The following CAST variants were observed in gnomAD, a reference collection of about 807,000 sequenced individuals.
The protein encoded by CAST is MIR583 host.
Under a neutral mutation model 119.6 loss-of-function variants are expected in CAST, and 76 were observed. The observed-to-expected ratio is 0.64, with a 90% confidence interval of 0.53 to 0.77. CAST has a LOEUF of 0.77. Among genes scored for constraint, CAST ranks in the 30% least tolerant of loss-of-function variants. The pLI, the probability that CAST is intolerant of heterozygous loss-of-function variation, is 0.00. For missense variants in CAST, 953 were observed against 946.5 expected, an observed-to-expected ratio of 1.01 and a Z score of -0.09; for synonymous variants, 319 against 331.6, an observed-to-expected ratio of 0.96 and a Z score of 0.41.
At chr5:95,988,560 C>CA in the CAST span, among the ~76,000 whole-genome samples, 10 of 152,068 alleles carry the variant, frequency 6.6e-5, no homozygotes, top group African/African-American at 1.9e-4. Flanking sequence ...CTCTTTTATT[C>CA]AAAAAAACTC....
chr5:96,757,978 C>T (rs760511013), intron 24 of CAST, among the ~76,000 whole-genome samples: 4 of 152,050 alleles, frequency 2.6e-5, no homozygotes, highest in Non-Finnish European at 4.4e-5. Context: ...CATGAGCCAC[C>T]GCGCCTGGCC....
chr5:96,373,909 G>T, the CAST span, among the ~76,000 whole-genome samples: 12 of 152,008 alleles, frequency 7.9e-5, no homozygotes, highest in African/African-American at 2.9e-4. Context: ...ACCATGCCTG[G>T]CTAATTTTTG....
At chr5:96,767,546 C>T in intron 28 of CAST, 64 bp downstream of exon 28, 2 of 1,325,534 alleles carry the variant, frequency 1.5e-6, no homozygotes, top group Admixed American at 3.5e-5. Context: ...GGGTATTTGG[C>T]ATTTTAGAAA....
At chr5:96,488,760 GA>G in the CAST span, among the ~76,000 whole-genome samples, 1 of 152,154 alleles carries the variant, frequency 6.6e-6, no homozygotes, top group Non-Finnish European at 1.5e-5. Context: ...TTCTACAACC[GA>G]ACAAAGTCTT....
At chr5:96,662,350 A>G, upstream of CAST, 1 of 420,528 alleles carries the variant, frequency 2.4e-6, no homozygotes, top group Non-Finnish European at 3.2e-6. Flanking sequence ...TCTCCCTGGC[A>G]GGACTCCCCG....
the CAST span, among the ~76,000 whole-genome samples, chr5:96,070,103 A>T: frequency 5.3e-5 from 8 of 152,152 alleles, no homozygotes; most frequent in African/African-American, 1.9e-4. Context: ...TATTCTATTA[A>T]AGCCCTCAAA....
the CAST span, among the ~76,000 whole-genome samples, chr5:96,118,391 T>G: frequency 8.5e-3 from 1,300 of 152,310 alleles, 9 homozygotes; most frequent in Non-Finnish European, 0.014. Flanking sequence ...AAGTTTGCAT[T>G]GTAGAAAGGA....
the CAST span, among the ~76,000 whole-genome samples, chr5:96,427,677 A>T: frequency 6.6e-6 from 1 of 152,220 alleles, no homozygotes; most frequent in Non-Finnish European, 1.5e-5. Context: ...TTGAGTAAGA[A>T]TAACAGTTAG....
chr5:96,341,061 A>G, the CAST span, among the ~76,000 whole-genome samples: 18 of 152,352 alleles, frequency 1.2e-4, 1 homozygote, highest in East Asian at 2.3e-3. Context: ...TCCTAGGACT[A>G]ATAAAACTAG....
At chr5:96,740,580 G>A (rs1437849280) in intron 12 of CAST, among the ~76,000 whole-genome samples, 165 bp from the exon 13 acceptor site, 2 of 151,996 alleles carry the variant, frequency 1.3e-5, no homozygotes, top group Non-Finnish European at 2.9e-5. Context: ...ATTCTATAAG[G>A]AACCTATCTC....
intron 10 of CAST, 77 bp downstream of exon 10, chr5:96,736,317 G>C: frequency 1.1e-6 from 1 of 873,234 alleles, no homozygotes; most frequent in Non-Finnish European, 1.8e-6. Context: ...GATTTCTTGT[G>C]GGCAAATAAT....
the CAST span, chr5:96,215,536 TA>T: frequency 3.3e-5 from 5 of 152,168 alleles, no homozygotes; most frequent in African/African-American, 9.6e-5. Context: ...AAAGTACAGT[TA>T]ACCCTTGAAG....
At chr5:96,466,464 C>T in the CAST span, among the ~76,000 whole-genome samples, 3 of 152,098 alleles carry the variant, frequency 2.0e-5, no homozygotes, top group African/African-American at 7.2e-5. Context: ...CCACTAGTCA[C>T]CTTCTGCCCT....
At chr5:96,416,317 A>G in the CAST span, among the ~76,000 whole-genome samples, 38 of 152,342 alleles carry the variant, frequency 2.5e-4, no homozygotes, top group African/African-American at 8.4e-4. Flanking sequence ...AAAGTATGTG[A>G]TTTCAAATTC....
intron 1 of CAST, among the ~76,000 whole-genome samples, chr5:96,612,400 TG>T (rs1218855339): frequency 6.6e-6 from 1 of 152,034 alleles, no homozygotes; most frequent in Non-Finnish European, 1.5e-5. Flanking sequence ...GGGCATAAGA[TG>T]GGAACAATAA....
chr5:96,753,680 C>A (rs1458764288), intron 20 of CAST, among the ~76,000 whole-genome samples: 1 of 152,148 alleles, frequency 6.6e-6, no homozygotes, highest in Non-Finnish European at 1.5e-5. Context: ...CTCTTGTGGG[C>A]TCTCTGAAAA....
the CAST span, among the ~76,000 whole-genome samples, chr5:96,363,394 G>C: frequency 1.3e-5 from 2 of 150,702 alleles, no homozygotes; most frequent in East Asian, 1.9e-4. Flanking sequence ...AGCTTGATGG[G>C]GATGGCATTG....
At chr5:96,380,403 T>C in the CAST span, among the ~76,000 whole-genome samples, 3 of 152,226 alleles carry the variant, frequency 2.0e-5, no homozygotes, top group Non-Finnish European at 2.9e-5. Context: ...AGCACTTTAC[T>C]GCATGCCAAA....
At chr5:96,758,128 G>GTT (rs934949370) in intron 24 of CAST, among the ~76,000 whole-genome samples, 18 of 152,122 alleles carry the variant, frequency 1.2e-4, no homozygotes, top group Admixed American at 8.5e-4. Context: ...ATGAAATACT[G>GTT]TCCCAACATA....
Sources: gnomAD v4.1 joint callset for allele counts (sites outside exome capture counted in the v4.1 genomes callset) on GRCh38, gnomAD v4.1.1 for gene constraint, MANE v1.5 for transcripts, NCBI Gene and HGNC (gene_info 2026-07-23, HGNC 2026-07-21) for gene names.